The following CTNNA2 variants were observed in gnomAD, a reference collection of about 807,000 sequenced individuals.
CTNNA2 encodes catenin alpha-2.
Under a neutral mutation model 101.0 loss-of-function variants are expected in CTNNA2, and 42 were observed. That is an observed-to-expected ratio of 0.42 (90% CI 0.32 to 0.54). The LOEUF is 0.54. Among genes scored for constraint, CTNNA2 ranks in the 20% least tolerant of loss-of-function variants. The pLI is 0.14. For missense variants in CTNNA2, 871 were observed against 1,223.1 expected (o/e 0.71, Z 4.29); for synonymous variants, 450 against 456.4 (o/e 0.99, Z 0.18).
At chr2:79,227,785 G>A (rs1348747697) in intron 2 of CTNNA2, among the ~76,000 whole-genome samples, 2 of 152,034 alleles carry the variant, frequency 1.3e-5, no homozygotes, top group Admixed American at 1.3e-4. Flanking sequence ...ATAGATTAAA[G>A]GGTACACACG....
rs1307773283 is a variant in CTNNA2 at position 80,126,624 on chromosome 2, C to CT, written c.1056+216828dup. Among the ~76,000 whole-genome samples, 124 of 78,768 alleles carry CT rather than the reference C, an allele frequency of 1.6e-3. 2 individuals carry two copies. Among genetic ancestry groups the CT allele is most frequent in the African/African-American group, 7.2e-3 (112 of 15,570 alleles). The allele number at this position is 78,768 out of a possible 152,430, so 51.7% of individuals were successfully genotyped here. A position where few individuals can be genotyped will look rare whatever the true frequency, so the allele number is the denominator to read the frequency against. On this transcript the variant is annotated intron_variant, in intron 7 of 18. Transcript: ENST00000402739. ...CCTCCCTCCCTCCCTCCCTCCCTCC[C>CT]TCCCTCCCTCCCTTCCTTCCTTCCT...
In CTNNA2 at chr2:80,202,343, A is replaced by C. The variant is rs186253682; in HGVS notation, c.1057-190868A>C. On this transcript the variant is annotated intron_variant, in intron 7 of 18. Coordinates refer to ENST00000402739, the MANE Select transcript of CTNNA2 (RefSeq NM_001282597.3). ...TGAAAGGAGAGGCCGACACATAAACAGAAAATTGTAATAAAATGTGGTACA... is the reference window on the plus strand; with the variant it reads ...TGAAAGGAGAGGCCGACACATAAACCGAAAATTGTAATAAAATGTGGTACA... 4.8e-4 allele frequency among the ~76,000 whole-genome samples: 73 copies of C among 152,358 alleles called. No individual in the cohort carries two copies. In the East Asian group the frequency reaches 0.012, roughly 25 times the overall value.
intron 7 of CTNNA2, among the ~76,000 whole-genome samples, chr2:80,356,864 A>G (rs1361869407): frequency 6.6e-6 from 1 of 152,220 alleles, no homozygotes; most frequent in Non-Finnish European, 1.5e-5. Context: ...TGTATGGCTG[A>G]ATCAAAATAC....
rs77968681 is a variant in CTNNA2, at chr2:80,367,423, T to G, written c.1057-25788T>G. On this transcript the variant is annotated intron_variant, in intron 7 of 18. Coordinates refer to ENST00000402739, the MANE Select transcript of CTNNA2 (RefSeq NM_001282597.3). Reference sequence around the variant, plus strand: ...TTAGGGTTTGGGGTTATTGTGGAGGTGGGAGAAAACGAATATAAGTCTCCT... The same window carrying G: ...TTAGGGTTTGGGGTTATTGTGGAGGGGGGAGAAAACGAATATAAGTCTCCT... Among the ~76,000 whole-genome samples, 1,477 of 152,166 alleles carry G rather than the reference T, an allele frequency of 9.7e-3. 24 individuals carry two copies. The highest frequency in any genetic ancestry group is 0.034 in the African/African-American group (1,418 of 41,520).
intron 7 of CTNNA2, among the ~76,000 whole-genome samples, chr2:80,096,892 A>G (rs557118374): frequency 8.5e-5 from 13 of 152,138 alleles, no homozygotes; most frequent in Admixed American, 5.2e-4. Context: ...TTTTGAGCCT[A>G]TGTGTGTCTC....
In CTNNA2 at chr2:79,921,253, T is replaced by C. The variant is rs534949688; in HGVS notation, c.1056+11456T>C. Among the ~76,000 whole-genome samples the C allele has an allele frequency of 4.6e-5, 7 of 152,290 alleles. No homozygotes were observed. The East Asian group carries it at 1.4e-3, about 29-fold the overall frequency. On this transcript the variant is annotated intron_variant, in intron 7 of 18. Transcript: ENST00000402739. ...GGGAACACCTGATGTAATAAGTAAG[T>C]GTATCAAATCAAGAGTTGATTTAAT... is the stretch of plus-strand genomic sequence containing the variant.
At chr2:79,818,292 A>G (rs1019045432) in intron 3 of CTNNA2, among the ~76,000 whole-genome samples, 31 of 152,010 alleles carry the variant, frequency 2.0e-4, no homozygotes, top group African/African-American at 6.5e-4. Context: ...TCTTGAATGG[A>G]TATTGTGATT....
At chr2:80,520,022 GA>G (rs1559176731) in intron 9 of CTNNA2, among the ~76,000 whole-genome samples, 1 of 152,088 alleles carries the variant, frequency 6.6e-6, no homozygotes, top group Non-Finnish European at 1.5e-5. Flanking sequence ...CTGTTGCTTA[GA>G]AGCCTCTTTC....
chr2:80,212,278 G>T (rs1039892802), intron 7 of CTNNA2, among the ~76,000 whole-genome samples: 1 of 152,152 alleles, frequency 6.6e-6, no homozygotes, highest in Non-Finnish European at 1.5e-5. Context: ...GTGAGAGAGG[G>T]CATCCTTGTC....
chr2:80,169,311 G>A (rs1704899370), intron 7 of CTNNA2, among the ~76,000 whole-genome samples: 1 of 152,178 alleles, frequency 6.6e-6, no homozygotes, highest in South Asian at 2.1e-4. Flanking sequence ...TGGGATCGGA[G>A]GGGAGAGGGG....
Position 80,104,608 on chromosome 2 carries a change from C to T in CTNNA2, c.1056+194811C>T, listed in dbSNP as rs373998360. On this transcript the variant is annotated intron_variant, in intron 7 of 18. Coordinates refer to ENST00000402739, the MANE Select transcript of CTNNA2 (RefSeq NM_001282597.3). ...TCATTTACCTTGAGTTGGAAAGATG[C>T]GAAATGAATTAGCCCAGAGGCCAGG... Among the ~76,000 whole-genome samples, 12 of 152,216 alleles carry T rather than the reference C, an allele frequency of 7.9e-5. No individual in the cohort carries two copies. The South Asian group carries it at 2.1e-3, about 26-fold the overall frequency.
At chr2:80,480,081 AT>A (rs1400939697) in intron 9 of CTNNA2, among the ~76,000 whole-genome samples, 1 of 152,140 alleles carries the variant, frequency 6.6e-6, no homozygotes, top group African/African-American at 2.4e-5. Flanking sequence ...CAGTTTTCTA[AT>A]TTAATTGATC....
intron 7 of CTNNA2, among the ~76,000 whole-genome samples, chr2:80,041,132 A>T (rs1209394617): frequency 6.6e-6 from 1 of 152,128 alleles, no homozygotes; most frequent in East Asian, 1.9e-4. Flanking sequence ...TATATTTATG[A>T]TACGTACTGT....
At chr2:80,583,272 T>C (rs550944244) in intron 14 of CTNNA2, among the ~76,000 whole-genome samples, 1 of 152,306 alleles carries the variant, frequency 6.6e-6, no homozygotes, top group East Asian at 1.9e-4. Flanking sequence ...GTGATAATTA[T>C]CATCCTTTCT....
At chr2:80,465,234 G>A (rs374408775) in intron 9 of CTNNA2, among the ~76,000 whole-genome samples, 3 of 152,236 alleles carry the variant, frequency 2.0e-5, no homozygotes, top group African/African-American at 7.2e-5. Context: ...CACATGATAG[G>A]CTCCATGAAT....
intron 1 of CTNNA2, among the ~76,000 whole-genome samples, chr2:79,527,816 T>C (rs1672507415): frequency 1.3e-5 from 2 of 152,146 alleles, no homozygotes; most frequent in African/African-American, 4.8e-5. Flanking sequence ...TTCTTAGATG[T>C]GTATTAAGGA....
At chr2:79,302,204 G>C (rs569116033) in intron 2 of CTNNA2, among the ~76,000 whole-genome samples, 77 of 152,250 alleles carry the variant, frequency 5.1e-4, no homozygotes, top group African/African-American at 1.8e-3. Flanking sequence ...CTACATCTCT[G>C]AGAGTCATGA....
intron 2 of CTNNA2, among the ~76,000 whole-genome samples, chr2:79,225,018 A>G (rs953076165): frequency 1.3e-5 from 2 of 151,882 alleles, no homozygotes; most frequent in Admixed American, 6.6e-5. Context: ...TTGTTTATCT[A>G]TTATATGTGG....
chr2:79,572,937 A>G (rs1675550370), intron 1 of CTNNA2, among the ~76,000 whole-genome samples: 3 of 152,162 alleles, frequency 2.0e-5, no homozygotes. Context: ...TGCAGTTTTT[A>G]GTTGCTGCCA....
Sources: allele counts gnomAD v4.1 joint callset (sites outside exome capture counted in the v4.1 genomes callset), GRCh38; gene constraint gnomAD v4.1.1; transcripts MANE v1.5; gene names NCBI Gene and HGNC (gene_info 2026-07-23, HGNC 2026-07-21).